The following AFDN variants were observed in gnomAD, a reference collection of about 807,000 sequenced individuals.
The protein encoded by AFDN is afadin.
A neutral mutation model predicts 216.6 loss-of-function variants in AFDN; 68 were observed. That is an observed-to-expected ratio of 0.31 (90% confidence interval 0.26 to 0.38). The LOEUF (loss-of-function observed/expected upper bound fraction) is 0.38. Among genes scored for constraint, AFDN ranks in the 10% least tolerant of loss-of-function variants. AFDN has a pLI of 1.00. For missense variants in AFDN, 2,136 were observed against 2,342.0 expected, an observed-to-expected ratio of 0.91 and a Z score of 1.82; for synonymous variants, 868 against 853.7, an observed-to-expected ratio of 1.02 and a Z score of -0.29.
chr6:167,844,177 AGTGTGT>A (rs71004173), intron 1 of AFDN, among the ~76,000 whole-genome samples: 9,171 of 141,666 alleles, frequency 0.065, 294 homozygotes, highest in South Asian at 0.075. Flanking sequence ...TCAAAAATGA[AGTGTGT>A]GTGTGTGTGT....
intron 1 of AFDN, among the ~76,000 whole-genome samples, chr6:167,863,350 C>G (rs1160702998): frequency 3.9e-5 from 6 of 152,160 alleles, no homozygotes; most frequent in Non-Finnish European, 8.8e-5. Flanking sequence ...ATAAGTACTT[C>G]TTAGTTCATA....
intron 23 of AFDN, among the ~76,000 whole-genome samples, chr6:167,925,997 C>T (rs1387751821): frequency 6.6e-6 from 1 of 152,234 alleles, no homozygotes; most frequent in Non-Finnish European, 1.5e-5. Flanking sequence ...GAAACTGTTA[C>T]ATAGCAATAT....
intron 21 of AFDN, among the ~76,000 whole-genome samples, chr6:167,921,373 T>C (rs1292699906): frequency 2.0e-5 from 3 of 152,262 alleles, no homozygotes; most frequent in Non-Finnish European, 2.9e-5. Flanking sequence ...TGTTAGATGA[T>C]CATTGTACAC....
intron 6 of AFDN, among the ~76,000 whole-genome samples, chr6:167,882,638 C>T (rs1229742390): frequency 6.6e-6 from 1 of 152,106 alleles, no homozygotes; most frequent in East Asian, 1.9e-4. Context: ...GAGCGAGACT[C>T]TGTCTCAAAA....
rs186165383 is a variant in AFDN at position 167,923,319 on chromosome 6, T to C, written c.3012+360T>C. ...TCATTCTTTTATAGTCAGTTCTGCCTTGTCTTAAATATATATCAAGCCATT... is the reference window on the plus strand; with the variant it reads ...TCATTCTTTTATAGTCAGTTCTGCCCTGTCTTAAATATATATCAAGCCATT... On this transcript the variant is annotated intron_variant, in intron 22 of 33. Transcript: ENST00000683244. The C allele has an allele frequency of 6.8e-3, 1,065 of 157,406 alleles. 15 individuals are homozygous for C. The highest frequency in any genetic ancestry group is 0.024 in the African/African-American group (1,012 of 41,714). 9.8% of individuals were successfully genotyped at this position (157,406 alleles called of 1,614,324 possible). A position where few individuals can be genotyped will look rare whatever the true frequency, so the allele number is the denominator to read the frequency against.
intron 32 of AFDN, among the ~76,000 whole-genome samples, chr6:167,966,430 TG>T (rs1419496054): frequency 1.3e-5 from 2 of 152,246 alleles, no homozygotes; most frequent in Admixed American, 1.3e-4. Context: ...GATCCTCCTC[TG>T]CCTCTGATTG....
chr6:167,838,492 C>T (rs1189466783), intron 1 of AFDN, among the ~76,000 whole-genome samples: 1 of 152,202 alleles, frequency 6.6e-6, no homozygotes, highest in Non-Finnish European at 1.5e-5. Flanking sequence ...TCCTTACTGC[C>T]ATCACTCAGT....
intron 30 of AFDN, among the ~76,000 whole-genome samples, chr6:167,958,830 T>A (rs1479586370): frequency 1.3e-5 from 2 of 152,242 alleles, no homozygotes; most frequent in Non-Finnish European, 2.9e-5. Context: ...AAGCCTAATT[T>A]CAGAATTGTT....
At position 167,965,898 on chromosome 6, in the gene AFDN, C is replaced by T. The variant is rs1026549202; in HGVS notation, c.5110C>T (p.Pro1704Ser). 12 of 1,549,292 alleles carry T rather than the reference C, an allele frequency of 7.7e-6. No homozygotes were observed. In the African/African-American group the frequency reaches 1.2e-4, roughly 16 times the overall value. ...TCCCCGGGACTACGAGCCCCCGTCC[C>T]CGTCCCCCGCGCCCGGCGCCCCTCC... ...PLPRDYEPPSPSPAPGAPPPP... is the reference protein window; with the variant it reads ...PLPRDYEPPSSSPAPGAPPPP... Residue 1704 changes from proline to serine, a missense_variant, in exon 32 of 34, where the codon CCG becomes TCG. By Grantham distance (74) the Pro-to-Ser change is moderately conservative. Coordinates refer to ENST00000683244, the MANE Select transcript of AFDN (RefSeq NM_001386888.1).
At chr6:167,842,765 C>G (rs964872312) in intron 1 of AFDN, among the ~76,000 whole-genome samples, 20 of 152,068 alleles carry the variant, frequency 1.3e-4, no homozygotes, top group Admixed American at 1.3e-3. Context: ...ATACTAAAAT[C>G]CAGTATTGAT....
intron 22 of AFDN, 34 bp downstream of exon 22, chr6:167,922,993 G>A (rs535061477): frequency 2.9e-6 from 4 of 1,402,620 alleles, no homozygotes; most frequent in Non-Finnish European, 4.0e-6. Context: ...AAGTGAAATG[G>A]ATCCTTAGGA....
chr6:167,941,941 A>G (rs1255108407), intron 23 of AFDN, among the ~76,000 whole-genome samples: 1 of 152,244 alleles, frequency 6.6e-6, no homozygotes, highest in East Asian at 1.9e-4. Context: ...ATGAAATTTG[A>G]AGTATATACT....
intron 4 of AFDN, among the ~76,000 whole-genome samples, chr6:167,874,678 C>T (rs2128269573): frequency 6.9e-6 from 1 of 144,706 alleles, no homozygotes; most frequent in South Asian, 2.2e-4. Flanking sequence ...TGCAGTGGCA[C>T]AATCTTGGCT....
At chr6:167,864,262 G>A in intron 1 of AFDN, 1 of 619,016 alleles carries the variant, frequency 1.6e-6, no homozygotes, top group Non-Finnish European at 3.1e-6. Flanking sequence ...GTCATGGTGT[G>A]CCTACCACTT....
At chr6:167,831,793 G>T (rs946994731) in intron 1 of AFDN, among the ~76,000 whole-genome samples, 19 of 152,324 alleles carry the variant, frequency 1.2e-4, no homozygotes, top group South Asian at 1.0e-3. Flanking sequence ...TTGAGCAATT[G>T]TAGTGTATAA....
In AFDN at chr6:167,943,161, G is replaced by T. The variant is rs1794894982; in HGVS notation, c.3132G>T (p.Val1044=). ...GAGQDKLGIY[V]KSVVKGGAAD... ...GTCAAGATAAACTAGGAATCTATGT[G>T]AAGTCGGTTGTGAAAGGAGGTGCTG... The change falls in exon 24 of 34, where the codon GTG becomes GTT. Residue 1044 remains valine (V), a synonymous_variant. Coordinates refer to ENST00000683244, the MANE Select transcript of AFDN (RefSeq NM_001386888.1). 2.5e-6 allele frequency: 4 copies of T among 1,613,954 alleles called. No homozygotes were observed. Among genetic ancestry groups the T allele is most frequent in the Non-Finnish European group, 3.4e-6 (4 of 1,179,946 alleles).
chr6:167,880,550 T>C, intron 6 of AFDN, 33 bp downstream of exon 6: 1 of 1,595,048 alleles, frequency 6.3e-7, no homozygotes, highest in South Asian at 1.1e-5. Flanking sequence ...TAGTTCTTTC[T>C]ACTTCACATT....
At chr6:167,917,020 C>A in intron 19 of AFDN, 69 bp from the exon 20 acceptor site, 2 of 1,344,406 alleles carry the variant, frequency 1.5e-6, no homozygotes, top group Non-Finnish European at 2.1e-6. Flanking sequence ...ATAAATATTA[C>A]ATAAAGGATA....
chr6:167,905,394 A>G (rs1789534604), intron 12 of AFDN, among the ~76,000 whole-genome samples: 1 of 152,242 alleles, frequency 6.6e-6, no homozygotes, highest in African/African-American at 2.4e-5. Flanking sequence ...TGTCTTTATA[A>G]AAATTTTCGT....
Sources: allele counts gnomAD v4.1 joint callset (sites outside exome capture counted in the v4.1 genomes callset), GRCh38; gene constraint gnomAD v4.1.1; transcripts MANE v1.5; gene names NCBI Gene and HGNC (gene_info 2026-07-23, HGNC 2026-07-21).